GLIS3: variants seen among roughly 807,000 people sequenced by gnomAD.
The protein encoded by GLIS3 is GLIS family zinc finger 3, also known as zinc finger protein GLIS3.
A neutral mutation model predicts 78.6 loss-of-function variants in GLIS3; 53 were observed. That is an observed-to-expected ratio of 0.67 (90% CI 0.54 to 0.85). The LOEUF is 0.85. GLIS3 is among the 40% of genes least tolerant of loss of function. The pLI, the probability that GLIS3 is intolerant of heterozygous loss-of-function variation, is 0.00. For synonymous variants in GLIS3, 684 were observed against 509.9 expected, an observed-to-expected ratio of 1.34 and a Z score of -4.60; for missense variants, 1,703 against 1,231.1, an observed-to-expected ratio of 1.38 and a Z score of -5.74.
In GLIS3 at chr9:4,276,030, C is replaced by A. The variant is rs142335351; in HGVS notation, c.388+10008G>T. The stretch of plus-strand genomic sequence containing the variant: ...AGGAGCAGTGGTTCATGCCTGTAAT[C>A]CTAGCACTTTGGAAGGCCGAGGCAG... On this transcript the variant is annotated intron_variant, in intron 2 of 10. Coordinates refer to ENST00000381971, the MANE Select transcript of GLIS3 (RefSeq NM_001042413.2). 2.3e-3 allele frequency among the ~76,000 whole-genome samples: 354 copies of A among 152,072 alleles called. 1 individual carries two copies. Among genetic ancestry groups the A allele is most frequent in the African/African-American group, 8.3e-3 (344 of 41,484 alleles).
At chr9:4,223,860 T>C (rs1221449513) in intron 2 of GLIS3, among the ~76,000 whole-genome samples, 1 of 152,204 alleles carries the variant, frequency 6.6e-6, no homozygotes, top group Non-Finnish European at 1.5e-5. Context: ...TCGGGAATTC[T>C]ACATGTGAAG....
chr9:4,206,477 A>G (rs901918525), intron 2 of GLIS3, among the ~76,000 whole-genome samples: 2 of 152,246 alleles, frequency 1.3e-5, no homozygotes, highest in African/African-American at 4.8e-5. Flanking sequence ...ATTAGCAGAA[A>G]ATAGAGGCGT....
intron 6 of GLIS3, among the ~76,000 whole-genome samples, chr9:3,921,181 G>C (rs1824865182): frequency 6.6e-6 from 1 of 152,158 alleles, no homozygotes; most frequent in Admixed American, 6.5e-5. Context: ...CTCGAAATGA[G>C]GACAGTTGAA....
intron 4 of GLIS3, among the ~76,000 whole-genome samples, chr9:4,026,954 G>A (rs553680994): frequency 2.0e-5 from 3 of 152,266 alleles, no homozygotes; most frequent in Admixed American, 6.5e-5. Context: ...TCAAACCTAA[G>A]ACTGTCTGAC....
intron 5 of GLIS3, 37 bp downstream of exon 5, chr9:3,936,991 G>A (rs779029370): frequency 6.8e-6 from 11 of 1,611,418 alleles, no homozygotes; most frequent in Non-Finnish European, 8.5e-6. Context: ...CACACCAGGC[G>A]CTGGGTTGGA....
At position 4,077,547 on chromosome 9, in the gene GLIS3, C is replaced by G. The variant is rs570014303; in HGVS notation, c.1710+40221G>C. Among the ~76,000 whole-genome samples the G allele has an allele frequency of 2.6e-5, 4 of 152,330 alleles. No individual in the cohort carries two copies. In the East Asian group the frequency reaches 7.7e-4, roughly 29 times the overall value. On this transcript the variant is annotated intron_variant, in intron 4 of 10. Coordinates refer to ENST00000381971, the MANE Select transcript of GLIS3 (RefSeq NM_001042413.2). Reference sequence around the variant, plus strand: ...TTCTCATTTAAAGCTGATTCAACAACAGAACAGGAAACCCTGGGTTGGCCG... The same window carrying G: ...TTCTCATTTAAAGCTGATTCAACAAGAGAACAGGAAACCCTGGGTTGGCCG...
chr9:3,969,429 A>G (rs770529865), intron 4 of GLIS3, among the ~76,000 whole-genome samples: 3 of 152,240 alleles, frequency 2.0e-5, no homozygotes, highest in Admixed American at 6.5e-5. Context: ...CTAAGGCCCA[A>G]TGTTTCCACT....
intron 2 of GLIS3, among the ~76,000 whole-genome samples, chr9:4,188,245 T>C (rs1399959757): frequency 6.6e-6 from 1 of 151,610 alleles, no homozygotes; most frequent in Non-Finnish European, 1.5e-5. Flanking sequence ...TCTGCATCTA[T>C]TGAGATAATC....
chr9:4,414,007 G>T, the GLIS3 span, among the ~76,000 whole-genome samples: 1 of 152,014 alleles, frequency 6.6e-6, no homozygotes, highest in Non-Finnish European at 1.5e-5. Context: ...GAAGCCTCAG[G>T]CAAGTCAGTG....
chr9:4,391,060 C>T, the GLIS3 span, among the ~76,000 whole-genome samples: 50 of 152,162 alleles, frequency 3.3e-4, 1 homozygote, highest in African/African-American at 1.2e-3. Flanking sequence ...TCCTCTCCAT[C>T]TCACTCTCCC....
At chr9:4,413,758 T>C in the GLIS3 span, among the ~76,000 whole-genome samples, 23 of 152,216 alleles carry the variant, frequency 1.5e-4, 1 homozygote, top group South Asian at 3.9e-3. Context: ...AGGCAGGGAA[T>C]GCCTTCCACT....
At chr9:4,261,413 G>A (rs1244258071) in intron 2 of GLIS3, among the ~76,000 whole-genome samples, 1 of 152,166 alleles carries the variant, frequency 6.6e-6, no homozygotes, top group South Asian at 2.1e-4. Context: ...GATAAAAAGA[G>A]AACAGAAGGG....
chr9:4,054,887 C>T (rs1826019755), intron 4 of GLIS3, among the ~76,000 whole-genome samples: 1 of 152,096 alleles, frequency 6.6e-6, no homozygotes, highest in South Asian at 2.1e-4. Context: ...CAGAAGATTC[C>T]ATTTGTTAAA....
the GLIS3 span, among the ~76,000 whole-genome samples, chr9:4,407,468 A>G: frequency 6.6e-6 from 1 of 152,030 alleles, no homozygotes; most frequent in African/African-American, 2.4e-5. Flanking sequence ...ACACTGTGAA[A>G]CCCCGTCTCT....
upstream of GLIS3, among the ~76,000 whole-genome samples, chr9:4,351,015 A>G (rs1817964104): frequency 6.6e-6 from 1 of 152,076 alleles, no homozygotes; most frequent in African/African-American, 2.4e-5. Flanking sequence ...AGCTTGTCCT[A>G]TCTATATACA....
intron 9 of GLIS3, among the ~76,000 whole-genome samples, chr9:3,844,347 G>C (rs954330580): frequency 1.3e-5 from 2 of 152,048 alleles, no homozygotes; most frequent in Non-Finnish European, 2.9e-5. Flanking sequence ...ATAAGACATA[G>C]ATTGTCATTA....
chr9:4,051,566 T>C (rs1825751157), intron 4 of GLIS3, among the ~76,000 whole-genome samples: 1 of 152,316 alleles, frequency 6.6e-6, no homozygotes, highest in Middle Eastern at 3.4e-3. Context: ...CTAACTAGTA[T>C]TTTATTCATG....
intron 2 of GLIS3, among the ~76,000 whole-genome samples, chr9:4,341,030 T>A (rs528858403): frequency 6.6e-6 from 1 of 152,226 alleles, no homozygotes; most frequent in African/African-American, 2.4e-5. Context: ...TCTGACATCC[T>A]TGAATAGCCT....
At chr9:4,302,761 T>C (rs958541389), upstream of GLIS3, among the ~76,000 whole-genome samples, 15 of 152,170 alleles carry the variant, frequency 9.9e-5, no homozygotes, top group East Asian at 1.5e-3. Flanking sequence ...ATAAAACATA[T>C]TGCAGGTGTA....
Sources: allele counts gnomAD v4.1 joint callset (sites outside exome capture counted in the v4.1 genomes callset), GRCh38; gene constraint gnomAD v4.1.1; transcripts MANE v1.5; gene names NCBI Gene and HGNC (gene_info 2026-07-23, HGNC 2026-07-21).